The following ITGA9 variants were observed in gnomAD, a reference collection of about 807,000 sequenced individuals.
ITGA9 encodes integrin alpha-9.
Under a neutral mutation model 127.8 loss-of-function variants are expected in ITGA9, and 56 were observed. That is an observed-to-expected ratio of 0.44 (90% confidence interval 0.35 to 0.55). The LOEUF is 0.55. ITGA9 is among the 20% of genes least tolerant of loss of function. The pLI is 0.00. For missense variants in ITGA9, 1,196 were observed against 1,347.1 expected (o/e 0.89, Z 1.76); for synonymous variants, 508 against 514.5 (o/e 0.99, Z 0.17).
intron 18 of ITGA9, among the ~76,000 whole-genome samples, chr3:37,690,948 AT>A (rs1700825843): frequency 1.3e-5 from 2 of 152,204 alleles, no homozygotes; most frequent in African/African-American, 2.4e-5. Context: ...AATGGGGCTT[AT>A]TCCTGCAGGG....
Position 37,750,465 on chromosome 3 carries a change from T to C in ITGA9, c.2437T>C (p.Tyr813His). 1.2e-6 allele frequency: 2 copies of C among 1,603,864 alleles called. No homozygotes were observed. Among genetic ancestry groups the C allele is most frequent in the Non-Finnish European group, 1.7e-6 (2 of 1,170,574 alleles). Residue 813 changes from tyrosine to histidine, a missense_variant, in exon 23 of 28, where the codon TAC (tyrosine) becomes CAC (histidine). Physicochemically the swap from Tyr to His is moderately conservative, Grantham distance 83. Transcript: ENST00000264741. ...TGTGTGTGTTCCACACCCACAGGTC[T>C]ACAACACTGGCCCAAGCACCCTTCC... ...FQPINITLQV[Y>H]NTGPSTLPGS...
At chr3:37,655,523 G>A (rs554372997) in intron 17 of ITGA9, among the ~76,000 whole-genome samples, 42 of 152,130 alleles carry the variant, frequency 2.8e-4, no homozygotes, top group Non-Finnish European at 4.1e-4. Context: ...CATATCTTTC[G>A]CCTACTTTTT....
intron 4 of ITGA9, among the ~76,000 whole-genome samples, chr3:37,490,971 C>CCT (rs764223618): frequency 1.5e-5 from 2 of 136,392 alleles, no homozygotes; most frequent in Admixed American, 1.5e-4. Flanking sequence ...TGGCTTCCCC[C>CCT]CCGCTTTTTT....
intron 1 of ITGA9, among the ~76,000 whole-genome samples, chr3:37,466,510 A>AAAAAAAAAAAC (rs1559513197): frequency 6.6e-6 from 1 of 150,580 alleles, no homozygotes; most frequent in Non-Finnish European, 1.5e-5. Context: ...AAAAAAAAAA[A>AAAAAAAAAAAC]AAAGGGCCTT....
At chr3:37,591,274 G>A (rs115256031) in intron 15 of ITGA9, among the ~76,000 whole-genome samples, 113 of 152,306 alleles carry the variant, frequency 7.4e-4, no homozygotes, top group African/African-American at 2.5e-3. Context: ...TTTGCCTAAT[G>A]TCCCTGGAAT....
intron 15 of ITGA9, among the ~76,000 whole-genome samples, chr3:37,620,428 G>A (rs985339218): frequency 6.0e-4 from 92 of 152,232 alleles, no homozygotes; most frequent in African/African-American, 2.2e-3. Flanking sequence ...TGATGGTGTT[G>A]TAGGGGCAAC....
intron 15 of ITGA9, among the ~76,000 whole-genome samples, chr3:37,609,089 A>G (rs181528022): frequency 9.9e-4 from 150 of 152,178 alleles, no homozygotes; most frequent in African/African-American, 2.7e-3. Flanking sequence ...GAATCACACC[A>G]TTGTCCTCTG....
intron 25 of ITGA9, among the ~76,000 whole-genome samples, chr3:37,780,223 T>A (rs536077721): frequency 6.6e-6 from 1 of 152,366 alleles, no homozygotes; most frequent in South Asian, 2.1e-4. Context: ...ACTTCTTATA[T>A]GAATATATTG....
Position 37,756,020 on chromosome 3 carries a change from C to T in ITGA9, c.2541+5451C>T, listed in dbSNP as rs926026393. 3.3e-5 allele frequency among the ~76,000 whole-genome samples: 5 copies of T among 151,552 alleles called. No homozygotes were observed. In the South Asian group the frequency reaches 8.4e-4, roughly 25 times the overall value. Reference sequence around the variant, plus strand: ...TGTATAATAAGATGGAAGTAATAAACCTAAATATTTCAATAATCAAAATAA... The same window carrying T: ...TGTATAATAAGATGGAAGTAATAAATCTAAATATTTCAATAATCAAAATAA... On this transcript the variant is annotated intron_variant, in intron 23 of 27. Transcript: ENST00000264741.
At chr3:37,599,865 T>G (rs1699901187) in intron 15 of ITGA9, among the ~76,000 whole-genome samples, 1 of 152,236 alleles carries the variant, frequency 6.6e-6, no homozygotes, top group Non-Finnish European at 1.5e-5. Context: ...TTATTTAGTT[T>G]GGAAAATGTA....
intron 16 of ITGA9, among the ~76,000 whole-genome samples, chr3:37,640,145 A>G (rs898029480): frequency 6.6e-6 from 1 of 152,142 alleles, no homozygotes; most frequent in African/African-American, 2.4e-5. Context: ...TGTGATTTGG[A>G]TACGTTACAT....
chr3:37,639,167 G>T (rs1700309115), intron 16 of ITGA9, among the ~76,000 whole-genome samples: 1 of 152,202 alleles, frequency 6.6e-6, no homozygotes, highest in Non-Finnish European at 1.5e-5. Context: ...ATCAGAAAGG[G>T]AGGCATATTT....
rs962556475 is a variant in ITGA9 at position 37,691,032 on chromosome 3, G to A, written c.2067+7017G>A. ...CAAGTGTCAAGAATTGAGGTCTCCT[G>A]GGGCTATTTATATTCTCCAGTACTC... is the stretch of plus-strand genomic sequence containing the variant. On this transcript the variant is annotated intron_variant, in intron 18 of 27. Coordinates refer to ENST00000264741, the MANE Select transcript of ITGA9 (RefSeq NM_002207.3). Among the ~76,000 whole-genome samples the A allele has an allele frequency of 4.6e-5, 7 of 152,154 alleles. 1 individual carries two copies. The highest frequency in any genetic ancestry group is 1.7e-4 in the African/African-American group (7 of 41,428).
intron 15 of ITGA9, among the ~76,000 whole-genome samples, chr3:37,605,108 G>A (rs1309174384): frequency 6.6e-6 from 1 of 152,178 alleles, no homozygotes; most frequent in Admixed American, 6.5e-5. Flanking sequence ...TGTTTGAGAA[G>A]GGGTCAGTAC....
At chr3:37,568,094 T>A (rs1391882139) in intron 15 of ITGA9, among the ~76,000 whole-genome samples, 1 of 152,258 alleles carries the variant, frequency 6.6e-6, no homozygotes, top group African/African-American at 2.4e-5. Context: ...CTGCAGCAGA[T>A]TTCTGCCTGG....
chr3:37,708,077 A>G (rs1012350199), intron 18 of ITGA9, among the ~76,000 whole-genome samples: 8 of 152,196 alleles, frequency 5.3e-5, no homozygotes, highest in Non-Finnish European at 1.5e-5. Context: ...CTATTTGCTC[A>G]TAACTCTAGG....
chr3:37,575,316 A>G (rs1237884996), intron 15 of ITGA9, among the ~76,000 whole-genome samples: 1 of 152,156 alleles, frequency 6.6e-6, no homozygotes, highest in African/African-American at 2.4e-5. Context: ...ATTTAACAGC[A>G]TATTCCATCA....
intron 1 of ITGA9, among the ~76,000 whole-genome samples, chr3:37,464,276 G>GTT (rs34372799): frequency 0.039 from 5,508 of 140,592 alleles, 327 homozygotes; most frequent in African/African-American, 0.14. Context: ...ATTTGTCAGG[G>GTT]TTTTTTTTTT....
At chr3:37,562,417 C>G (rs945603834) in intron 15 of ITGA9, among the ~76,000 whole-genome samples, 1 of 152,134 alleles carries the variant, frequency 6.6e-6, no homozygotes, top group Non-Finnish European at 1.5e-5. Flanking sequence ...TGGTTTTATA[C>G]CTTTATTCCT....
Sources: gnomAD v4.1 joint callset for allele counts (sites outside exome capture counted in the v4.1 genomes callset) on GRCh38, gnomAD v4.1.1 for gene constraint, MANE v1.5 for transcripts, NCBI Gene and HGNC (gene_info 2026-07-23, HGNC 2026-07-21) for gene names.